Variants in GABBR2 observed in about 807,000 individuals in gnomAD.
GABBR2 encodes gamma-aminobutyric acid type B receptor subunit 2, also known as G-protein coupled receptor 51.
GABBR2 carries 23 observed loss-of-function variants against 105.6 expected under a neutral mutation model. The ratio of observed to expected loss-of-function variants is 0.22; its 90% CI spans 0.16 to 0.31. The LOEUF (loss-of-function observed/expected upper bound fraction) is 0.31. Ranked by LOEUF, GABBR2 falls within the 10% of genes least tolerant of loss-of-function variation. GABBR2 has a pLI of 1.00. For missense variants in GABBR2, 734 were observed against 1,245.5 expected, an observed-to-expected ratio of 0.59 and a Z score of 6.18; for synonymous variants, 478 against 499.7, an observed-to-expected ratio of 0.96 and a Z score of 0.58.
intron 3 of GABBR2, among the ~76,000 whole-genome samples, chr9:98,508,960 C>A (rs577933322): frequency 6.6e-6 from 1 of 152,200 alleles, no homozygotes; most frequent in Non-Finnish European, 1.5e-5. Flanking sequence ...TGACAATGGG[C>A]AGACTGCCTC....
chr9:98,656,018 C>T (rs910035491), intron 1 of GABBR2, among the ~76,000 whole-genome samples: 2 of 152,104 alleles, frequency 1.3e-5, no homozygotes, highest in Admixed American at 6.6e-5. Context: ...CCCTAGCTAA[C>T]GCAAAGCCAC....
chr9:98,534,920 C>T (rs558599537), intron 3 of GABBR2, among the ~76,000 whole-genome samples: 196 of 152,310 alleles, frequency 1.3e-3, no homozygotes, highest in African/African-American at 4.3e-3. Flanking sequence ...AAAAATCCTG[C>T]GCATGGATGT....
At chr9:98,585,493 G>C (rs1564122459) in intron 1 of GABBR2, among the ~76,000 whole-genome samples, 1 of 136,148 alleles carries the variant, frequency 7.3e-6, no homozygotes, top group East Asian at 2.3e-4. Flanking sequence ...GACTGGCGTA[G>C]GGTGGGGGGA....
At chr9:98,613,802 A>C (rs1351405626) in intron 1 of GABBR2, among the ~76,000 whole-genome samples, 1 of 152,246 alleles carries the variant, frequency 6.6e-6, no homozygotes, top group African/African-American at 2.4e-5. Flanking sequence ...CGCTAAGTAC[A>C]ACTTGAGAAT....
At chr9:98,691,615 A>C (rs1353622367) in intron 1 of GABBR2, among the ~76,000 whole-genome samples, 1 of 152,212 alleles carries the variant, frequency 6.6e-6, no homozygotes, top group Non-Finnish European at 1.5e-5. Context: ...CTGCGGGCCC[A>C]AAGGTGACTG....
At chr9:98,420,704 G>C (rs1381690936) in intron 7 of GABBR2, among the ~76,000 whole-genome samples, 1 of 152,190 alleles carries the variant, frequency 6.6e-6, no homozygotes, top group Non-Finnish European at 1.5e-5. Flanking sequence ...CTGGAGAGAG[G>C]GTTTCTCAAA....
intron 2 of GABBR2, among the ~76,000 whole-genome samples, chr9:98,557,147 GC>G (rs1038833340): frequency 6.6e-6 from 1 of 152,062 alleles, no homozygotes; most frequent in Non-Finnish European, 1.5e-5. Context: ...GGGTTATGAG[GC>G]CCACTTGGCC....
intron 7 of GABBR2, among the ~76,000 whole-genome samples, chr9:98,453,152 G>A (rs912530684): frequency 3.3e-5 from 5 of 152,172 alleles, no homozygotes; most frequent in African/African-American, 9.6e-5. Flanking sequence ...TCAGCCTCCC[G>A]AGTAGCTGGG....
chr9:98,701,843 CT>C (rs1423286224), intron 1 of GABBR2, among the ~76,000 whole-genome samples: 1 of 152,160 alleles, frequency 6.6e-6, no homozygotes, highest in African/African-American at 2.4e-5. Flanking sequence ...TTACTTTAGG[CT>C]TTGAGCTGCC....
intron 2 of GABBR2, among the ~76,000 whole-genome samples, chr9:98,573,689 T>C (rs1828868797): frequency 6.6e-6 from 1 of 152,234 alleles, no homozygotes; most frequent in Admixed American, 6.5e-5. Flanking sequence ...ATTTATTTAA[T>C]AAGAGAATAC....
At chr9:98,613,670 G>A (rs539781571) in intron 1 of GABBR2, among the ~76,000 whole-genome samples, 8 of 152,246 alleles carry the variant, frequency 5.3e-5, no homozygotes, top group Non-Finnish European at 7.3e-5. Flanking sequence ...CTGCAGGGAA[G>A]TAACTGCATG....
At chr9:98,398,792 C>T (rs1030554125) in intron 8 of GABBR2, among the ~76,000 whole-genome samples, 5 of 152,194 alleles carry the variant, frequency 3.3e-5, no homozygotes, top group Non-Finnish European at 5.9e-5. Context: ...AGACTTTGTG[C>T]TCTACTGTCA....
At chr9:98,455,579 C>T (rs1172671796) in intron 6 of GABBR2, among the ~76,000 whole-genome samples, 3 of 152,184 alleles carry the variant, frequency 2.0e-5, no homozygotes, top group Non-Finnish European at 2.9e-5. Flanking sequence ...GGAGGGGGGG[C>T]GCGGCACCAG....
At chr9:98,455,839 C>G (rs1359856229) in intron 6 of GABBR2, among the ~76,000 whole-genome samples, 1 of 152,200 alleles carries the variant, frequency 6.6e-6, no homozygotes, top group Non-Finnish European at 1.5e-5. Context: ...GTGAACCTTG[C>G]AGGCAATGAA....
chr9:98,659,526 C>CTTTTTTTTTTTTTTTTT (rs149511264), intron 1 of GABBR2, among the ~76,000 whole-genome samples: 1 of 35,190 alleles, frequency 2.8e-5, no homozygotes, highest in African/African-American at 9.1e-5. Flanking sequence ...CTTTTCTTTT[C>CTTTTTTTTTTTTTTTTT]TTTTTTTTTT....
At chr9:98,444,338 G>A (rs1826083183) in intron 7 of GABBR2, among the ~76,000 whole-genome samples, 1 of 152,114 alleles carries the variant, frequency 6.6e-6, no homozygotes, top group African/African-American at 2.4e-5. Context: ...TTTAAAGTAG[G>A]GTGTCAGGTT....
At chr9:98,662,931 T>C (rs976698823) in intron 1 of GABBR2, among the ~76,000 whole-genome samples, 1 of 152,110 alleles carries the variant, frequency 6.6e-6, no homozygotes, top group African/African-American at 2.4e-5. Context: ...CCAGACAGCA[T>C]GTCCCACAGG....
At chr9:98,343,734 T>C (rs1831255136) in intron 13 of GABBR2, among the ~76,000 whole-genome samples, 1 of 152,000 alleles carries the variant, frequency 6.6e-6, no homozygotes, top group African/African-American at 2.4e-5. Context: ...GGCGGACGCC[T>C]GTAGTCCCAG....
chr9:98,668,874 T>C (rs574081084), intron 1 of GABBR2, among the ~76,000 whole-genome samples: 1 of 148,500 alleles, frequency 6.7e-6, no homozygotes, highest in Non-Finnish European at 1.5e-5. Context: ...GGATAAATTA[T>C]ATTCCATTTT....
Sources: allele counts gnomAD v4.1 joint callset (sites outside exome capture counted in the v4.1 genomes callset), GRCh38; gene constraint gnomAD v4.1.1; transcripts MANE v1.5; gene names NCBI Gene and HGNC (gene_info 2026-07-23, HGNC 2026-07-21).